PTPN4: variants seen among roughly 807,000 people sequenced by gnomAD.
PTPN4 encodes tyrosine-protein phosphatase non-receptor type 4.
Under a neutral mutation model 135.5 loss-of-function variants are expected in PTPN4, and 49 were observed. The observed-to-expected ratio is 0.36, with a 90% CI of 0.29 to 0.46. PTPN4 has a LOEUF of 0.46. Ranked by LOEUF, PTPN4 falls within the 20% of genes least tolerant of loss-of-function variation. The pLI is 1.00. For missense variants in PTPN4, 860 were observed against 1,101.0 expected (o/e 0.78, Z 3.10); for synonymous variants, 333 against 369.9 (o/e 0.90, Z 1.14).
At chr2:119,843,748 G>C (rs1373432953) in intron 2 of PTPN4, among the ~76,000 whole-genome samples, 1 of 52,728 alleles carries the variant, frequency 1.9e-5, no homozygotes, top group Non-Finnish European at 3.8e-5. Flanking sequence ...CGGGCGGGGG[G>C]GCTGACTCCC....
At chr2:119,918,539 A>G (rs1678690629) in intron 11 of PTPN4, among the ~76,000 whole-genome samples, 1 of 152,200 alleles carries the variant, frequency 6.6e-6, no homozygotes, top group African/African-American at 2.4e-5. Flanking sequence ...ATAATTATAA[A>G]GGAGGTTCAG....
intron 1 of PTPN4, among the ~76,000 whole-genome samples, chr2:119,796,043 G>A (rs1016182218): frequency 6.6e-6 from 1 of 152,220 alleles, no homozygotes; most frequent in Non-Finnish European, 1.5e-5. Flanking sequence ...TGGGGAGCAT[G>A]ATTGCCGAGG....
chr2:119,835,294 C>T (rs1417442544), intron 2 of PTPN4, among the ~76,000 whole-genome samples: 1 of 152,158 alleles, frequency 6.6e-6, no homozygotes, highest in Non-Finnish European at 1.5e-5. Context: ...AAGCAATTCT[C>T]CTGCCTCAGC....
intron 11 of PTPN4, among the ~76,000 whole-genome samples, chr2:119,916,969 AT>A (rs1678662808): frequency 6.6e-6 from 1 of 152,216 alleles, no homozygotes; most frequent in South Asian, 2.1e-4. Context: ...GCTAATGGAA[AT>A]TATTTTACAT....
At chr2:119,800,726 A>C (rs1185944709) in intron 1 of PTPN4, among the ~76,000 whole-genome samples, 1 of 152,068 alleles carries the variant, frequency 6.6e-6, no homozygotes, top group Non-Finnish European at 1.5e-5. Context: ...GTCAGTGAGT[A>C]ATTTTTTGCA....
At chr2:119,827,527 G>T (rs1248077182) in intron 2 of PTPN4, among the ~76,000 whole-genome samples, 1 of 151,980 alleles carries the variant, frequency 6.6e-6, no homozygotes, top group Non-Finnish European at 1.5e-5. Flanking sequence ...AGTGCAAGTG[G>T]GCCAGAAATA....
chr2:119,939,274 A>G (rs1199914381), intron 15 of PTPN4, among the ~76,000 whole-genome samples: 1 of 152,242 alleles, frequency 6.6e-6, no homozygotes, highest in Non-Finnish European at 1.5e-5. Flanking sequence ...TATTCTAGAC[A>G]GACTTCATAA....
intron 3 of PTPN4, among the ~76,000 whole-genome samples, chr2:119,876,602 AT>A (rs949877601): frequency 6.6e-6 from 1 of 151,342 alleles, no homozygotes. Context: ...GGGTTCTTTG[AT>A]TTTTTTTTAA....
chr2:119,852,342 G>A (rs542739583), intron 2 of PTPN4, among the ~76,000 whole-genome samples: 1 of 152,350 alleles, frequency 6.6e-6, no homozygotes, highest in East Asian at 1.9e-4. Context: ...CAGGAGCTGT[G>A]TTAGGGTTAA....
chr2:119,947,789 C>CACACAT (rs570791192), intron 18 of PTPN4, among the ~76,000 whole-genome samples: 3,044 of 151,828 alleles, frequency 0.02, 55 homozygotes, highest in Non-Finnish European at 0.032. Context: ...CACACACACA[C>CACACAT]ACATCAGATT....
chr2:119,915,153 T>C (rs1678633665), intron 10 of PTPN4, 26 bp from the exon 11 acceptor site: 1 of 1,484,378 alleles, frequency 6.7e-7, no homozygotes, highest in South Asian at 1.3e-5. Flanking sequence ...TTCAATACTT[T>C]GAATAATTTA....
intron 2 of PTPN4, among the ~76,000 whole-genome samples, chr2:119,851,322 A>G (rs190219255): frequency 6.6e-6 from 1 of 152,292 alleles, no homozygotes; most frequent in Non-Finnish European, 1.5e-5. Flanking sequence ...TGGTAGAAAA[A>G]GAGACTGAGG....
chr2:119,849,349 G>C (rs1249420092), intron 2 of PTPN4, among the ~76,000 whole-genome samples: 1 of 152,260 alleles, frequency 6.6e-6, no homozygotes, highest in East Asian at 1.9e-4. Context: ...CACCCAGGCT[G>C]AAGTGCAGTG....
intron 15 of PTPN4, among the ~76,000 whole-genome samples, chr2:119,943,710 C>G (rs866965442): frequency 5.9e-5 from 9 of 151,714 alleles, no homozygotes; most frequent in Middle Eastern, 3.4e-3. Context: ...CTCAGCCCCC[C>G]CGAGTAGCTG....
At chr2:119,900,162 T>C (rs2105014558) in intron 9 of PTPN4, among the ~76,000 whole-genome samples, 1 of 152,278 alleles carries the variant, frequency 6.6e-6, no homozygotes, top group Middle Eastern at 3.4e-3. Flanking sequence ...ACAATTCAAA[T>C]GTTATTCTCC....
intron 18 of PTPN4, 146 bp from the exon 19 acceptor site, chr2:119,951,827 A>G: frequency 3.1e-6 from 2 of 644,914 alleles, no homozygotes; most frequent in Non-Finnish European, 2.3e-6. Context: ...CTAGATTTCT[A>G]CATTTTTTAA....
intron 15 of PTPN4, among the ~76,000 whole-genome samples, chr2:119,936,666 AT>A (rs1324487117): frequency 2.6e-5 from 4 of 152,136 alleles, no homozygotes; most frequent in African/African-American, 9.7e-5. Flanking sequence ...AGTCTCAGGT[AT>A]TTCTTCATAG....
intron 2 of PTPN4, among the ~76,000 whole-genome samples, chr2:119,842,823 T>C (rs1677401349): frequency 6.6e-6 from 1 of 152,182 alleles, no homozygotes; most frequent in Non-Finnish European, 1.5e-5. Context: ...TCTACAGATC[T>C]TTTATAGCTA....
chr2:119,928,284 A>G (rs1380162375), intron 13 of PTPN4, among the ~76,000 whole-genome samples: 1 of 152,130 alleles, frequency 6.6e-6, no homozygotes, highest in East Asian at 1.9e-4. Context: ...TTACTGAGCC[A>G]CGTCCCTGCC....
Sources: allele counts gnomAD v4.1 joint callset (sites outside exome capture counted in the v4.1 genomes callset), GRCh38; gene constraint gnomAD v4.1.1; transcripts MANE v1.5; gene names NCBI Gene and HGNC (gene_info 2026-07-23, HGNC 2026-07-21).